The following RTF1 variants were observed in gnomAD, a reference collection of about 807,000 sequenced individuals.
RTF1 encodes RTF1 homolog, Paf1/RNA polymerase II complex component, also known as RNA polymerase-associated protein RTF1 homolog.
Under a neutral mutation model 95.7 loss-of-function variants are expected in RTF1, and 10 were observed. The observed-to-expected ratio is 0.10, with a 90% CI of 0.06 to 0.18. The LOEUF is 0.18. RTF1 is among the 10% of genes least tolerant of loss of function. The probability of loss-of-function intolerance (pLI) is 1.00; values close to 1 mark genes in which losing one functional copy is unlikely to be tolerated. For synonymous variants in RTF1, 305 were observed against 311.8 expected (o/e 0.98, Z 0.23); for missense variants, 458 against 875.6 (o/e 0.52, Z 6.02).
intron 9 of RTF1, among the ~76,000 whole-genome samples, 167 bp downstream of exon 9, chr15:41,474,869 A>C (rs1374387433): frequency 1.3e-5 from 2 of 152,026 alleles, no homozygotes; most frequent in Non-Finnish European, 2.9e-5. Flanking sequence ...GTCTATAGGG[A>C]AGGTAGGATA....
At chr15:41,463,591 C>T (rs1027737181) in intron 4 of RTF1, among the ~76,000 whole-genome samples, 1 of 151,966 alleles carries the variant, frequency 6.6e-6, no homozygotes, top group Non-Finnish European at 1.5e-5. Flanking sequence ...AAGCAGTTCT[C>T]CCACCTCAGC....
Position 41,426,309 on chromosome 15 carries a change from T to C in RTF1, c.198+8996T>C, listed in dbSNP as rs552951609. Among the ~76,000 whole-genome samples the C allele has an allele frequency of 6.0e-4, 89 of 148,958 alleles. 2 individuals are homozygous for C. Among genetic ancestry groups the C allele is most frequent in the African/African-American group, 2.2e-3 (87 of 40,320 alleles). On this transcript the variant is annotated intron_variant, in intron 1 of 17. Coordinates refer to ENST00000389629, the MANE Select transcript of RTF1 (RefSeq NM_015138.5). ...CAGCTAATTTTTTTGATTGTTTGTT[T>C]TTATTTTTTTTTTTGGGATAGAGTC...
chr15:41,478,943 CTTTTTTT>C (rs374560005), intron 15 of RTF1, 153 bp from the exon 16 acceptor site: 11 of 508,362 alleles, frequency 2.2e-5, no homozygotes, highest in East Asian at 3.3e-5. Flanking sequence ...TTGTAATTGC[CTTTTTTT>C]TTTTTTTTTT....
At chr15:41,478,469 A>T in intron 14 of RTF1, 79 bp from the exon 15 acceptor site, 4 of 982,846 alleles carry the variant, frequency 4.1e-6, no homozygotes, top group Non-Finnish European at 6.4e-6. Context: ...CCGTGCAAAG[A>T]CTTATTTGCC....
At chr15:41,466,714 T>C (rs1374742597) in intron 6 of RTF1, among the ~76,000 whole-genome samples, 1 of 152,250 alleles carries the variant, frequency 6.6e-6, no homozygotes, top group Non-Finnish European at 1.5e-5. Context: ...ATCAGGATCT[T>C]AAAGTCCATA....
chr15:41,467,893 G>A (rs1035013722), intron 6 of RTF1, among the ~76,000 whole-genome samples: 1 of 151,860 alleles, frequency 6.6e-6, no homozygotes, highest in African/African-American at 2.4e-5. Flanking sequence ...GGCCAGGCAC[G>A]GTGGCTCACA....
chr15:41,471,440 TTC>T (rs1254054009), intron 8 of RTF1, 91 bp downstream of exon 8: 2 of 1,299,124 alleles, frequency 1.5e-6, no homozygotes, highest in Admixed American at 2.6e-5. Context: ...TCGATCACTC[TTC>T]TCTCAGCATT....
chr15:41,422,635 G>A (rs1166474216), intron 1 of RTF1, among the ~76,000 whole-genome samples: 1 of 152,148 alleles, frequency 6.6e-6, no homozygotes, highest in African/African-American at 2.4e-5. Flanking sequence ...ATTGAGCTAT[G>A]TGCACACTGG....
intron 4 of RTF1, among the ~76,000 whole-genome samples, chr15:41,462,335 T>G (rs1258710200): frequency 2.0e-5 from 3 of 152,062 alleles, no homozygotes; most frequent in Admixed American, 1.3e-4. Context: ...GTTGTTAGAT[T>G]ATTCATGGGG....
intron 1 of RTF1, among the ~76,000 whole-genome samples, chr15:41,418,802 GAAAA>G (rs1334137834): frequency 2.7e-5 from 4 of 145,634 alleles, no homozygotes; most frequent in African/African-American, 7.6e-5. Context: ...AAAAAAAAAA[GAAAA>G]GAAAGAAAAA....
At chr15:41,442,633 C>G (rs922196771) in intron 2 of RTF1, among the ~76,000 whole-genome samples, 12 of 152,022 alleles carry the variant, frequency 7.9e-5, no homozygotes, top group African/African-American at 2.7e-4. Context: ...CACCTGTAAT[C>G]CCAGCACTTT....
chr15:41,480,362 C>G (rs777204705), intron 17 of RTF1, 37 bp downstream of exon 17: 1 of 1,368,516 alleles, frequency 7.3e-7, no homozygotes, highest in Non-Finnish European at 1.0e-6. Context: ...GGGCTGAGAA[C>G]CAGATGGATC....
intron 1 of RTF1, among the ~76,000 whole-genome samples, chr15:41,437,339 CAAAA>C (rs75683996): frequency 7.3e-6 from 1 of 137,678 alleles, no homozygotes; most frequent in Admixed American, 7.3e-5. Context: ...ACTAAAAATA[CAAAA>C]AAAAAAAATT....
intron 2 of RTF1, among the ~76,000 whole-genome samples, chr15:41,449,107 A>T (rs1024777425): frequency 2.0e-5 from 3 of 151,554 alleles, no homozygotes; most frequent in Admixed American, 1.3e-4. Flanking sequence ...CTAGTCTTGA[A>T]CCCTGAGCTC....
chr15:41,473,564 C>A (rs1007417794), intron 8 of RTF1, among the ~76,000 whole-genome samples: 8 of 151,732 alleles, frequency 5.3e-5, no homozygotes, highest in Non-Finnish European at 1.2e-4. Context: ...GTATGAGACA[C>A]TGTGCCCAGC....
intron 1 of RTF1, among the ~76,000 whole-genome samples, chr15:41,429,367 T>A (rs1595424659): frequency 6.6e-6 from 1 of 152,052 alleles, no homozygotes. Flanking sequence ...CTGCTGTGGG[T>A]TCCTTCTGAG....
chr15:41,483,217 A>G lies in RTF1; in HGVS notation c.*2530A>G, dbSNP rs1169992291. 2.0e-5 allele frequency: 3 copies of G among 152,522 alleles called. No homozygotes were observed. In the East Asian group the frequency reaches 5.8e-4, roughly 29 times the overall value. 9.4% of individuals were successfully genotyped at this position (152,522 alleles called of 1,614,324 possible). On this transcript the variant is annotated 3_prime_UTR_variant, in exon 18 of 18. Transcript: ENST00000389629. ...GGCATTAAGACACTGGCTTTGTCCT[A>G]CCAACTAGGATTTCTTGGTGGTTCA...
intron 2 of RTF1, among the ~76,000 whole-genome samples, chr15:41,442,410 G>A (rs1181111768): frequency 1.3e-5 from 2 of 151,714 alleles, no homozygotes; most frequent in African/African-American, 2.4e-5. Flanking sequence ...CTCATGATCC[G>A]CCGGCCTCAT....
intron 4 of RTF1, among the ~76,000 whole-genome samples, chr15:41,461,681 G>T (rs999408770): frequency 4.6e-5 from 7 of 151,572 alleles, no homozygotes; most frequent in Non-Finnish European, 1.5e-5. Flanking sequence ...AGTAGAGATG[G>T]GGTTTCACCG....
Sources: allele counts gnomAD v4.1 joint callset (sites outside exome capture counted in the v4.1 genomes callset), GRCh38; gene constraint gnomAD v4.1.1; transcripts MANE v1.5; gene names NCBI Gene and HGNC (gene_info 2026-07-23, HGNC 2026-07-21).